The following SNX29 variants were observed in gnomAD, a reference collection of about 807,000 sequenced individuals.
SNX29 encodes sorting nexin 29.
Under a neutral mutation model 102.1 loss-of-function variants are expected in SNX29, and 78 were observed. The observed-to-expected ratio is 0.76, with a 90% CI of 0.64 to 0.92. The LOEUF (loss-of-function observed/expected upper bound fraction) is 0.92. Ranked by LOEUF, SNX29 falls within the 40% of genes least tolerant of loss-of-function variation. The probability of loss-of-function intolerance (pLI) is 0.00; values close to 1 mark genes in which losing one functional copy is unlikely to be tolerated. For missense variants in SNX29, 1,280 were observed against 1,061.7 expected, an observed-to-expected ratio of 1.21 and a Z score of -2.86; for synonymous variants, 580 against 414.5, an observed-to-expected ratio of 1.40 and a Z score of -4.85.
chr16:12,559,403 G>A (rs1055350651), intron 20 of SNX29, among the ~76,000 whole-genome samples: 1 of 151,204 alleles, frequency 6.6e-6, no homozygotes, highest in African/African-American at 2.4e-5. Flanking sequence ...GCCCCCTGAA[G>A]GGACCATCTA....
intron 20 of SNX29, among the ~76,000 whole-genome samples, chr16:12,563,457 C>G (rs905644793): frequency 1.3e-5 from 2 of 152,134 alleles, no homozygotes; most frequent in South Asian, 2.1e-4. Flanking sequence ...ATTTAGGAAA[C>G]CTAATAGGGT....
At chr16:12,504,119 C>G (rs866124211) in intron 19 of SNX29, among the ~76,000 whole-genome samples, 8 of 151,856 alleles carry the variant, frequency 5.3e-5, no homozygotes, top group African/African-American at 1.7e-4. Flanking sequence ...AAGGATCTCC[C>G]TGTTCTGAAC....
intron 7 of SNX29, among the ~76,000 whole-genome samples, chr16:12,051,304 G>A (rs2050289367): frequency 2.0e-5 from 3 of 150,434 alleles, no homozygotes; most frequent in African/African-American, 7.4e-5. Flanking sequence ...ACTCCAGCCT[G>A]GGCAATAGAG....
At chr16:12,215,480 G>A (rs536123474) in intron 14 of SNX29, among the ~76,000 whole-genome samples, 2 of 152,258 alleles carry the variant, frequency 1.3e-5, no homozygotes, top group East Asian at 3.9e-4. Context: ...TGATACAGAA[G>A]TGAGTAATAC....
chr16:12,530,052 C>G (rs917904880), intron 20 of SNX29, among the ~76,000 whole-genome samples: 7 of 152,156 alleles, frequency 4.6e-5, no homozygotes, highest in Non-Finnish European at 7.4e-5. Context: ...GCAAGTGTGT[C>G]CCAGTTCGGC....
At position 12,280,588 on chromosome 16, in the gene SNX29, G is replaced by T. The variant is rs181839154; in HGVS notation, c.1782+2552G>T. 1.0e-3 allele frequency among the ~76,000 whole-genome samples: 152 copies of T among 152,302 alleles called. 1 individual carries two copies. Among genetic ancestry groups the T allele is most frequent in the African/African-American group, 3.5e-3 (145 of 41,564 alleles). On this transcript the variant is annotated intron_variant, in intron 15 of 20. Transcript: ENST00000566228. Reference sequence around the variant, plus strand: ...GGCTGTGGTCAACGAGCTGAGAGAAGTGTGAGGTTGAAGCAGACATGTCCT... The same window carrying T: ...GGCTGTGGTCAACGAGCTGAGAGAATTGTGAGGTTGAAGCAGACATGTCCT...
chr16:12,448,802 C>G (rs964362897), intron 18 of SNX29, among the ~76,000 whole-genome samples: 1 of 152,224 alleles, frequency 6.6e-6, no homozygotes, highest in Non-Finnish European at 1.5e-5. Flanking sequence ...CTGTCCTGAT[C>G]AGGTGCATCA....
chr16:12,396,672 T>G (rs2151487572), intron 16 of SNX29, among the ~76,000 whole-genome samples: 1 of 152,308 alleles, frequency 6.6e-6, no homozygotes, highest in Admixed American at 6.5e-5. Context: ...ACCCTTTCTT[T>G]GCCCTTTTCC....
intron 15 of SNX29, among the ~76,000 whole-genome samples, chr16:12,352,402 G>A (rs1043153673): frequency 1.3e-5 from 2 of 152,044 alleles, no homozygotes; most frequent in Admixed American, 6.6e-5. Context: ...GCATTAGGAG[G>A]TATACCTAAT....
chr16:12,100,051 C>T (rs1043978147), intron 11 of SNX29, among the ~76,000 whole-genome samples: 4 of 152,132 alleles, frequency 2.6e-5, no homozygotes, highest in East Asian at 3.9e-4. Flanking sequence ...CAAGGCTCAG[C>T]GATGGAGGAA....
chr16:12,409,699 G>A (rs1240626632), intron 18 of SNX29, among the ~76,000 whole-genome samples: 2 of 152,142 alleles, frequency 1.3e-5, no homozygotes, highest in Admixed American at 6.5e-5. Flanking sequence ...CTAAAGGTAT[G>A]TTAGGCCTTA....
chr16:11,990,389 T>C (rs945941574), intron 1 of SNX29, among the ~76,000 whole-genome samples: 2 of 152,304 alleles, frequency 1.3e-5, no homozygotes, highest in Middle Eastern at 3.4e-3. Context: ...GTTCTTGCAA[T>C]CTGTGCCTTG....
intron 20 of SNX29, among the ~76,000 whole-genome samples, chr16:12,549,598 C>T (rs1337986053): frequency 1.3e-5 from 2 of 152,192 alleles, no homozygotes; most frequent in Non-Finnish European, 2.9e-5. Flanking sequence ...GCACCTTTTT[C>T]TACTCCAGAG....
chr16:12,122,708 G>T (rs2054028382), intron 11 of SNX29, among the ~76,000 whole-genome samples: 4 of 152,182 alleles, frequency 2.6e-5, no homozygotes, highest in Admixed American at 2.6e-4. Flanking sequence ...AGATGTGGGT[G>T]TGTGCAGGGT....
chr16:12,212,005 C>A (rs1348871381), intron 14 of SNX29, among the ~76,000 whole-genome samples: 4 of 151,986 alleles, frequency 2.6e-5, no homozygotes, highest in Non-Finnish European at 5.9e-5. Context: ...AGATTCCTAC[C>A]CAGATCTGTC....
At chr16:12,555,788 G>C (rs1005139592) in intron 20 of SNX29, among the ~76,000 whole-genome samples, 1 of 151,214 alleles carries the variant, frequency 6.6e-6, no homozygotes, top group Non-Finnish European at 1.5e-5. Context: ...GCACCAGGCA[G>C]GCACACTCCT....
intron 18 of SNX29, among the ~76,000 whole-genome samples, chr16:12,462,743 C>T (rs1230223538): frequency 1.3e-5 from 2 of 152,312 alleles, no homozygotes; most frequent in South Asian, 2.1e-4. Flanking sequence ...GTGTTTGTAT[C>T]TATGAAGAGA....
chr16:12,458,230 T>C (rs1176345915), intron 18 of SNX29, among the ~76,000 whole-genome samples: 3 of 152,174 alleles, frequency 2.0e-5, no homozygotes. Flanking sequence ...GGGACCTTAG[T>C]TGGCATTTTG....
At chr16:12,088,138 G>T (rs892260567) in intron 11 of SNX29, 2 of 456,576 alleles carry the variant, frequency 4.4e-6, no homozygotes, top group African/African-American at 4.0e-5. Flanking sequence ...CACCAGCTCA[G>T]TCTCTGCAGC....
Sources: allele counts gnomAD v4.1 joint callset (sites outside exome capture counted in the v4.1 genomes callset), GRCh38; gene constraint gnomAD v4.1.1; transcripts MANE v1.5; gene names NCBI Gene and HGNC (gene_info 2026-07-23, HGNC 2026-07-21).